The following LPP variants were observed in gnomAD, a reference collection of about 807,000 sequenced individuals.
LPP encodes lipoma-preferred partner.
LPP carries 38 observed loss-of-function variants against 60.4 expected under a neutral mutation model. That is an observed-to-expected ratio of 0.63 (90% CI 0.49 to 0.83). LPP has a LOEUF of 0.83. LPP is among the 40% of genes least tolerant of loss of function. The pLI, the probability that LPP is intolerant of heterozygous loss-of-function variation, is 0.00. For missense variants in LPP, 902 were observed against 783.6 expected, an observed-to-expected ratio of 1.15 and a Z score of -1.80; for synonymous variants, 328 against 290.8, an observed-to-expected ratio of 1.13 and a Z score of -1.30.
chr3:188,637,212 C>G (rs1016978109), intron 7 of LPP, among the ~76,000 whole-genome samples: 1 of 151,982 alleles, frequency 6.6e-6, no homozygotes, highest in East Asian at 1.9e-4. Context: ...AAGAATCTCA[C>G]TCAAAACCAC....
chr3:188,506,214 G>A (rs1481053385), intron 5 of LPP, among the ~76,000 whole-genome samples: 1 of 152,158 alleles, frequency 6.6e-6, no homozygotes, highest in East Asian at 1.9e-4. Flanking sequence ...TTAGGGCTAA[G>A]AAACCCTGCT....
intron 8 of LPP, 39 bp from the exon 9 acceptor site, chr3:188,760,074 A>G (rs760478327): frequency 6.2e-7 from 1 of 1,603,628 alleles, no homozygotes; most frequent in South Asian, 1.1e-5. Flanking sequence ...GGACTGAAGT[A>G]CTCCTTGGTG....
At chr3:188,401,869 T>G (rs1376149749) in intron 3 of LPP, among the ~76,000 whole-genome samples, 1 of 152,180 alleles carries the variant, frequency 6.6e-6, no homozygotes, top group African/African-American at 2.4e-5. Context: ...TAGAATATAG[T>G]GCAAGATTTG....
At chr3:188,435,110 G>A (rs934947191) in intron 4 of LPP, among the ~76,000 whole-genome samples, 1 of 152,100 alleles carries the variant, frequency 6.6e-6, no homozygotes, top group African/African-American at 2.4e-5. Flanking sequence ...TCAGAAAAAT[G>A]ATAATTTAAT....
chr3:188,662,979 A>T (rs1183962425), intron 7 of LPP, among the ~76,000 whole-genome samples: 1 of 152,262 alleles, frequency 6.6e-6, no homozygotes, highest in African/African-American at 2.4e-5. Context: ...TTGCAAGAAT[A>T]GTATGTTATC....
intron 3 of LPP, among the ~76,000 whole-genome samples, chr3:188,372,723 A>C (rs1299219631): frequency 1.3e-5 from 2 of 149,656 alleles, no homozygotes; most frequent in Non-Finnish European, 3.0e-5. Context: ...TATTATTATT[A>C]TACTTTAAGT....
intron 8 of LPP, among the ~76,000 whole-genome samples, chr3:188,752,969 A>T (rs2150343276): frequency 6.6e-6 from 1 of 152,338 alleles, no homozygotes; most frequent in South Asian, 2.1e-4. Context: ...GGGATGGAGA[A>T]GTGATGCTGG....
rs1560607436 is a variant in LPP, at chr3:188,592,562, T to TTTTTTTTTTTTTTTTTTTTTTTTTG, written c.430-16598_430-16597insTTTTTTTTTTTTTTTTTTTTTTTGT. 3.7e-5 allele frequency among the ~76,000 whole-genome samples: 2 copies of TTTTTTTTTTTTTTTTTTTTTTTTTG among 53,740 alleles called. 1 individual carries two copies. The highest frequency in any genetic ancestry group is 9.1e-5 in the Non-Finnish European group (2 of 21,972). 35.3% of individuals were successfully genotyped at this position (53,740 alleles called of 152,430 possible). On this transcript the variant is annotated intron_variant, in intron 6 of 11. Coordinates refer to ENST00000617246, the MANE Select transcript of LPP (RefSeq NM_001375462.1). The stretch of plus-strand genomic sequence containing the variant: ...CTGTTTTTAGTTTTGTTTTTGTTTT[T>TTTTTTTTTTTTTTTTTTTTTTTTTG]TAAATGGAGTCTCACTCTTTCTCCC...
chr3:188,603,572 A>T (rs1841857962), intron 6 of LPP, among the ~76,000 whole-genome samples: 1 of 152,080 alleles, frequency 6.6e-6, no homozygotes, highest in Non-Finnish European at 1.5e-5. Context: ...AACTGTGAGG[A>T]TTATATATAA....
chr3:188,574,920 CCCT>C (rs1246118054), intron 6 of LPP, among the ~76,000 whole-genome samples: 1 of 151,974 alleles, frequency 6.6e-6, no homozygotes, highest in Non-Finnish European at 1.5e-5. Context: ...CAAAATTTCC[CCCT>C]TTTTTTCATC....
intron 4 of LPP, among the ~76,000 whole-genome samples, chr3:188,435,680 T>G (rs1026927275): frequency 6.6e-6 from 1 of 152,236 alleles, no homozygotes; most frequent in Non-Finnish European, 1.5e-5. Context: ...CCCACATTTT[T>G]GGGGATATTG....
chr3:188,470,294 A>ACG (rs1264748834), intron 4 of LPP, among the ~76,000 whole-genome samples: 1 of 94,654 alleles, frequency 1.1e-5, no homozygotes, highest in African/African-American at 3.0e-5. Context: ...ACACACACAC[A>ACG]CACACACACA....
chr3:188,619,718 T>C (rs934146660), intron 7 of LPP, among the ~76,000 whole-genome samples: 2 of 152,224 alleles, frequency 1.3e-5, no homozygotes, highest in African/African-American at 2.4e-5. Flanking sequence ...GTCAAAAATA[T>C]GGGAAGAACG....
At chr3:188,843,719 G>A (rs1051339072) in intron 9 of LPP, among the ~76,000 whole-genome samples, 9 of 143,470 alleles carry the variant, frequency 6.3e-5, no homozygotes, top group Non-Finnish European at 1.2e-4. Flanking sequence ...CCCGGGAGGC[G>A]GAGCTTGCAG....
In LPP at chr3:188,386,690, C is replaced by T. The variant is rs1778399329; in HGVS notation, c.-9-19422C>T. ...AACATCCAAAGCCAGTTTTCCCCTTCTATTAAATGAACCTTTAACTGAGCT... is the reference window on the plus strand; with the variant it reads ...AACATCCAAAGCCAGTTTTCCCCTTTTATTAAATGAACCTTTAACTGAGCT... On this transcript the variant is annotated intron_variant, in intron 3 of 11. Coordinates refer to ENST00000617246, the MANE Select transcript of LPP (RefSeq NM_001375462.1). 2.6e-5 allele frequency among the ~76,000 whole-genome samples: 4 copies of T among 152,270 alleles called. No individual in the cohort carries two copies. The South Asian group carries it at 8.3e-4, about 32-fold the overall frequency.
intron 7 of LPP, among the ~76,000 whole-genome samples, chr3:188,640,699 A>G (rs1849922857): frequency 6.6e-6 from 1 of 151,942 alleles, no homozygotes; most frequent in Non-Finnish European, 1.5e-5. Flanking sequence ...TCATTGCCTT[A>G]CCATATAGCT....
At chr3:188,641,772 G>T (rs1461174474) in intron 7 of LPP, among the ~76,000 whole-genome samples, 1 of 152,114 alleles carries the variant, frequency 6.6e-6, no homozygotes, top group Non-Finnish European at 1.5e-5. Context: ...GAAGGTTTCG[G>T]ATGGACCAAG....
At chr3:188,248,622 T>A (rs1050786453) in intron 2 of LPP, among the ~76,000 whole-genome samples, 2 of 151,570 alleles carry the variant, frequency 1.3e-5, no homozygotes, top group Non-Finnish European at 2.9e-5. Context: ...TCATAATGTC[T>A]AACCTTTATA....
At chr3:188,200,604 C>G (rs1194824160) in intron 1 of LPP, among the ~76,000 whole-genome samples, 1 of 152,166 alleles carries the variant, frequency 6.6e-6, no homozygotes. Flanking sequence ...TCATGATTCC[C>G]TGGTATTGCT....
Sources: gnomAD v4.1 joint callset for allele counts (sites outside exome capture counted in the v4.1 genomes callset) on GRCh38, gnomAD v4.1.1 for gene constraint, MANE v1.5 for transcripts, NCBI Gene and HGNC (gene_info 2026-07-23, HGNC 2026-07-21) for gene names.